The following CPA5 variants were observed in gnomAD, a reference collection of about 807,000 sequenced individuals.
CPA5 encodes testicular tissue protein Li 32.
A neutral mutation model predicts 52.2 loss-of-function variants in CPA5; 38 were observed. That is an observed-to-expected ratio of 0.73 (90% CI 0.56 to 0.95). The LOEUF (loss-of-function observed/expected upper bound fraction) is 0.95. Among genes scored for constraint, CPA5 ranks in the 40% least tolerant of loss-of-function variants. CPA5 has a pLI of 0.00. For synonymous variants in CPA5, 198 were observed against 213.7 expected (o/e 0.93, Z 0.64); for missense variants, 519 against 566.7 (o/e 0.92, Z 0.86).
chr7:130,347,991 G>C, intron 4 of CPA5, 144 bp downstream of exon 4: 1 of 631,010 alleles, frequency 1.6e-6, no homozygotes, highest in Non-Finnish European at 2.7e-6. Flanking sequence ...ATCACACGTG[G>C]CTCCACTTCA....
At chr7:130,346,314 G>A (rs1794733343) in intron 2 of CPA5, 79 bp from the exon 3 acceptor site, 5 of 505,002 alleles carry the variant, frequency 9.9e-6, no homozygotes, top group Non-Finnish European at 1.7e-5. Context: ...GTTGGGGAGG[G>A]GCAGCCCTAG....
intron 2 of CPA5, among the ~76,000 whole-genome samples, chr7:130,346,114 A>C (rs558065310): frequency 5.3e-5 from 8 of 152,340 alleles, no homozygotes; most frequent in African/African-American, 1.7e-4. Flanking sequence ...GCGAAAGAGA[A>C]GATGCTGTAG....
At chr7:130,373,039 C>G (rs1796308981), downstream of CPA5, among the ~76,000 whole-genome samples, 1 of 152,132 alleles carries the variant, frequency 6.6e-6, no homozygotes. Context: ...GTGCTCTAGT[C>G]CCAGCCCCAC....
chr7:130,347,354 G>T (rs1182594622), intron 3 of CPA5, among the ~76,000 whole-genome samples: 1 of 152,198 alleles, frequency 6.6e-6, no homozygotes, highest in African/African-American at 2.4e-5. Flanking sequence ...GCCCCCTCGC[G>T]AAGAGCCCTT....
chr7:130,347,036 C>T (rs1794797065), intron 3 of CPA5, among the ~76,000 whole-genome samples: 1 of 152,132 alleles, frequency 6.6e-6, no homozygotes, highest in Admixed American at 6.5e-5. Context: ...CACGCCAGGC[C>T]CTCTGTGGAT....
intron 12 of CPA5, 103 bp from the exon 13 acceptor site, chr7:130,368,307 G>T: frequency 8.5e-7 from 1 of 1,183,188 alleles, no homozygotes; most frequent in Admixed American, 2.0e-5. Context: ...GTGGGTGGGG[G>T]TTTGGCTCCC....
intron 1 of CPA5, chr7:130,345,521 T>G (rs1794681590): frequency 6.6e-6 from 1 of 152,240 alleles, no homozygotes; most frequent in Non-Finnish European, 1.5e-5. Context: ...TCCCAAACTA[T>G]AAAGGGAACT....
At chr7:130,346,891 GCTT>G (rs1554402350) in intron 3 of CPA5, among the ~76,000 whole-genome samples, 1 of 152,140 alleles carries the variant, frequency 6.6e-6, no homozygotes, top group African/African-American at 2.4e-5. Context: ...TACAACAGGG[GCTT>G]CTTCGGGGAG....
At chr7:130,348,599 C>G (rs376308374) in intron 4 of CPA5, among the ~76,000 whole-genome samples, 1 of 152,202 alleles carries the variant, frequency 6.6e-6, no homozygotes, top group African/African-American at 2.4e-5. Context: ...GGGTTCTTGT[C>G]TGTGTTCATG....
At chr7:130,369,126 C>T (rs1466271129), downstream of CPA5, among the ~76,000 whole-genome samples, 1 of 152,142 alleles carries the variant, frequency 6.6e-6, no homozygotes. Context: ...TACCACTCAC[C>T]CCACAACCCA....
Position 130,346,390 on chromosome 7 carries a change from C to T in CPA5, c.-93-3C>T. 1.1e-6 allele frequency: 1 copy of T among 875,400 alleles called. No individual in the cohort carries two copies. The highest frequency in any genetic ancestry group is 1.7e-5 in the South Asian group (1 of 58,056). 54.2% of individuals were successfully genotyped at this position (875,400 alleles called of 1,614,324 possible). ...CCCCAGACAGCCTAATGCTCTTTCT[C>T]AGGCTGGGCTTTCCAGCCTCTAGGT... is the stretch of plus-strand genomic sequence containing the variant. On this transcript the variant is annotated splice_region_variant and splice_polypyrimidine_tract_variant and intron_variant, in intron 2 of 12. Transcript: ENST00000474905.
At chr7:130,370,524 T>TTATTTC (rs1236038407), downstream of CPA5, among the ~76,000 whole-genome samples, 1 of 152,208 alleles carries the variant, frequency 6.6e-6, no homozygotes, top group Non-Finnish European at 1.5e-5. Flanking sequence ...ATTTTTATTT[T>TTATTTC]TATTTCATCC....
rs1241096311 is a variant in CPA5, at chr7:130,346,609, G to A, written c.116+8G>A. The A allele has an allele frequency of 6.8e-6, 11 of 1,609,534 alleles. No homozygotes were observed. The highest frequency in any genetic ancestry group is 4.4e-5 in the South Asian group (4 of 90,954). ...CCAAATGAATTTCACAGGGTGAGTGGCTGCTCCACAGTGGGAGGGAGGACT... is the reference window on the plus strand; with the variant it reads ...CCAAATGAATTTCACAGGGTGAGTGACTGCTCCACAGTGGGAGGGAGGACT... On this transcript the variant is annotated splice_region_variant and intron_variant, in intron 3 of 12. Coordinates refer to ENST00000474905, the MANE Select transcript of CPA5 (RefSeq NM_080385.5).
downstream of CPA5, chr7:130,368,846 C>T: frequency 2.0e-6 from 1 of 505,824 alleles, no homozygotes. Context: ...TCTGCACTCT[C>T]CAGTCTACCT....
chr7:130,365,825 C>G (rs1216418919), intron 10 of CPA5, among the ~76,000 whole-genome samples: 1 of 152,278 alleles, frequency 6.6e-6, no homozygotes, highest in Non-Finnish European at 1.5e-5. Context: ...CTCTGCGCAT[C>G]TGTTGCTGTT....
intron 3 of CPA5, 93 bp from the exon 4 acceptor site, chr7:130,347,673 T>G: frequency 1.9e-6 from 2 of 1,075,110 alleles, no homozygotes; most frequent in South Asian, 1.4e-5. Context: ...GGCCCTCAGC[T>G]GGGCCTCTGC....
At chr7:130,364,161 G>A (rs1161761027) in intron 10 of CPA5, among the ~76,000 whole-genome samples, 1 of 151,850 alleles carries the variant, frequency 6.6e-6, no homozygotes, top group Non-Finnish European at 1.5e-5. Flanking sequence ...CCAAGTAGCC[G>A]GGACCATAGG....
Position 130,346,544 on chromosome 7 carries a change from C to T in CPA5, c.59C>T (p.Thr20Ile), listed in dbSNP as rs1554402222. 1.9e-6 allele frequency: 3 copies of T among 1,614,082 alleles called. No homozygotes were observed. The highest frequency in any genetic ancestry group is 2.2e-5 in the South Asian group (2 of 91,084). The change falls in exon 3 of 13, where the codon ACA becomes ATA. Residue 20 changes from threonine to isoleucine, a missense_variant. Physicochemically the swap from Thr to Ile is moderately conservative, Grantham distance 89. Coordinates refer to ENST00000474905, the MANE Select transcript of CPA5 (RefSeq NM_080385.5). ...RPGPSPVDRRTLLVFSFILAA... is the reference protein window; with the variant it reads ...RPGPSPVDRRILLVFSFILAA... Reference sequence around the variant, plus strand: ...GGGCCATCCCCCGTGGACAGGCGGACACTCCTGGTCTTCAGCTTTATCCTG... The same window carrying T: ...GGGCCATCCCCCGTGGACAGGCGGATACTCCTGGTCTTCAGCTTTATCCTG...
At chr7:130,353,070 G>A (rs191848528) in intron 5 of CPA5, among the ~76,000 whole-genome samples, 19 of 151,600 alleles carry the variant, frequency 1.3e-4, no homozygotes, top group African/African-American at 3.9e-4. Flanking sequence ...AATTTCCCTC[G>A]CCCTAGTGGA....
Sources: allele counts gnomAD v4.1 joint callset (sites outside exome capture counted in the v4.1 genomes callset), GRCh38; gene constraint gnomAD v4.1.1; transcripts MANE v1.5; gene names NCBI Gene and HGNC (gene_info 2026-07-23, HGNC 2026-07-21).